Variants in WWOX observed in about 807,000 individuals in gnomAD.
WWOX encodes the protein WW domain-containing oxidoreductase.
Under a neutral mutation model 46.2 loss-of-function variants are expected in WWOX, and 69 were observed. The ratio of observed to expected loss-of-function variants is 1.49; its 90% CI spans 1.23 to 1.82. The LOEUF (loss-of-function observed/expected upper bound fraction) is 1.82, where lower values mean the gene tolerates loss of function less well. Among genes scored for constraint, WWOX ranks in the 40% most tolerant of loss-of-function variants. WWOX has a pLI of 0.00. For synonymous variants in WWOX, 359 were observed against 202.6 expected, an observed-to-expected ratio of 1.77 and a Z score of -6.56; for missense variants, 919 against 542.6, an observed-to-expected ratio of 1.69 and a Z score of -6.89.
intron 8 of WWOX, among the ~76,000 whole-genome samples, chr16:78,876,858 T>C (rs1400422312): frequency 6.6e-6 from 1 of 152,218 alleles, no homozygotes; most frequent in Non-Finnish European, 1.5e-5. Context: ...AGTGGAACGC[T>C]CTTTCTAGTT....
chr16:78,779,640 C>A (rs139239344), intron 8 of WWOX, among the ~76,000 whole-genome samples: 72 of 152,298 alleles, frequency 4.7e-4, no homozygotes, highest in African/African-American at 1.5e-3. Context: ...CTCAGGGAAT[C>A]GTAGCAGAGG....
chr16:78,496,307 C>T (rs2084917180), intron 8 of WWOX: 1 of 152,240 alleles, frequency 6.6e-6, no homozygotes, highest in African/African-American at 2.4e-5. Context: ...TTGCAGTCAT[C>T]ACTGATGTTC....
chr16:78,880,712 A>G (rs771537584), intron 8 of WWOX, among the ~76,000 whole-genome samples: 15 of 152,212 alleles, frequency 9.9e-5, no homozygotes, highest in Non-Finnish European at 1.5e-4. Context: ...GAGAGTTCAC[A>G]TAAGTGTGAG....
chr16:78,173,604 A>G (rs928933422), intron 5 of WWOX, among the ~76,000 whole-genome samples: 2 of 151,906 alleles, frequency 1.3e-5, no homozygotes, highest in African/African-American at 2.4e-5. Flanking sequence ...GGCCTTAGTC[A>G]TCTCTTTGAA....
chr16:78,740,808 G>A (rs571151801), intron 8 of WWOX, among the ~76,000 whole-genome samples: 1 of 152,268 alleles, frequency 6.6e-6, no homozygotes, highest in Non-Finnish European at 1.5e-5. Flanking sequence ...GTGTGCATGA[G>A]CGTGTCTTAG....
intron 8 of WWOX, among the ~76,000 whole-genome samples, chr16:78,492,659 G>C (rs1469346191): frequency 6.6e-6 from 1 of 152,152 alleles, no homozygotes; most frequent in Non-Finnish European, 1.5e-5. Context: ...TTCGTATATT[G>C]GCTTTGAGAA....
chr16:78,623,446 A>G (rs1597362801), intron 8 of WWOX, among the ~76,000 whole-genome samples: 1 of 152,098 alleles, frequency 6.6e-6, no homozygotes, highest in Non-Finnish European at 1.5e-5. Context: ...TTGGGAGACC[A>G]AGGCGGGCAG....
chr16:78,898,046 A>C (rs1055708344), intron 8 of WWOX: 1 of 151,984 alleles, frequency 6.6e-6, no homozygotes, highest in South Asian at 2.1e-4. Context: ...AATTCTATAT[A>C]TATTTTGGAT....
chr16:78,623,286 C>A (rs1212028529), intron 8 of WWOX, among the ~76,000 whole-genome samples: 1 of 152,172 alleles, frequency 6.6e-6, no homozygotes, highest in Non-Finnish European at 1.5e-5. Flanking sequence ...GGATAGTAGA[C>A]AGAGACTGCA....
At chr16:78,612,554 C>G (rs1010472464) in intron 8 of WWOX, among the ~76,000 whole-genome samples, 2 of 152,212 alleles carry the variant, frequency 1.3e-5, no homozygotes, top group African/African-American at 2.4e-5. Context: ...GATTTCATTG[C>G]AGCCTGGAAC....
rs1382037119 is a variant in WWOX at position 78,446,214 on chromosome 16, G to C, written c.1056+13462G>C. Among the ~76,000 whole-genome samples the C allele has an allele frequency of 2.0e-5, 3 of 152,184 alleles. 1 individual carries two copies. The highest frequency in any genetic ancestry group is 4.4e-5 in the Non-Finnish European group (3 of 68,040). ...GAAGAAATACATACATCATACTTGA[G>C]ACCATGTTCCAGAGAGTATTTTGTA... is the stretch of plus-strand genomic sequence containing the variant. On this transcript the variant is annotated intron_variant, in intron 8 of 8. Coordinates refer to ENST00000566780, the MANE Select transcript of WWOX (RefSeq NM_016373.4).
intron 5 of WWOX, among the ~76,000 whole-genome samples, chr16:78,195,086 T>C (rs2151767782): frequency 6.6e-6 from 1 of 152,276 alleles, no homozygotes; most frequent in African/African-American, 2.4e-5. Context: ...TGCTACACCC[T>C]CTGAGGTTCC....
At position 78,814,135 on chromosome 16, in the gene WWOX, C is replaced by G. The variant is rs557375633; in HGVS notation, c.1056+381383C>G. Reference sequence around the variant, plus strand: ...TGTGTCATTGCAGGAGAAGACAGAACCCGGCCAGATCCTCCCGCTGCCGGC... The same window carrying G: ...TGTGTCATTGCAGGAGAAGACAGAAGCCGGCCAGATCCTCCCGCTGCCGGC... On this transcript the variant is annotated intron_variant, in intron 8 of 8. Coordinates refer to ENST00000566780, the MANE Select transcript of WWOX (RefSeq NM_016373.4). 2.0e-5 allele frequency among the ~76,000 whole-genome samples: 3 copies of G among 152,186 alleles called. No homozygotes were observed. In the South Asian group the frequency reaches 6.2e-4, roughly 32 times the overall value.
intron 5 of WWOX, chr16:78,167,779 C>G (rs1397374893): frequency 1.3e-5 from 2 of 152,192 alleles, no homozygotes; most frequent in Non-Finnish European, 2.9e-5. Context: ...GGCCTTCTTG[C>G]TCTGGTGACA....
rs1392835208 is a variant in WWOX at position 79,170,165 on chromosome 16, G to A, written c.1057-41443G>A. On this transcript the variant is annotated intron_variant, in intron 8 of 8. Transcript: ENST00000566780. Reference sequence around the variant, plus strand: ...TCCTTCAATAACCCAGTCTAACCATGTTTTTCCAGTGGAAATGATTCCCGG... The same window carrying A: ...TCCTTCAATAACCCAGTCTAACCATATTTTTCCAGTGGAAATGATTCCCGG... Among the ~76,000 whole-genome samples, 5 of 152,174 alleles carry A rather than the reference G, an allele frequency of 3.3e-5. No individual in the cohort carries two copies. The East Asian group carries it at 5.8e-4, about 18-fold the overall frequency.
intron 8 of WWOX, among the ~76,000 whole-genome samples, chr16:79,119,752 G>A (rs2049590066): frequency 6.6e-6 from 1 of 152,200 alleles, no homozygotes. Flanking sequence ...GATGGCAGTG[G>A]CTGGCTTCTC....
At chr16:78,427,358 C>T (rs1040423081) in intron 7 of WWOX, among the ~76,000 whole-genome samples, 4 of 152,246 alleles carry the variant, frequency 2.6e-5, no homozygotes, top group African/African-American at 9.6e-5. Flanking sequence ...TTTCTGCATA[C>T]CTAAAATACA....
intron 2 of WWOX, among the ~76,000 whole-genome samples, chr16:78,109,017 C>T (rs1391892252): frequency 1.3e-5 from 2 of 152,064 alleles, no homozygotes; most frequent in Admixed American, 6.6e-5. Context: ...ACAACAAAAA[C>T]CAGAAAATAA....
intron 8 of WWOX, among the ~76,000 whole-genome samples, chr16:79,116,349 T>G (rs2049515650): frequency 6.6e-6 from 1 of 152,210 alleles, no homozygotes; most frequent in African/African-American, 2.4e-5. Flanking sequence ...ACAGCAGAAT[T>G]TATCTCAAAA....
Sources: gnomAD v4.1 joint callset for allele counts (sites outside exome capture counted in the v4.1 genomes callset) on GRCh38, gnomAD v4.1.1 for gene constraint, MANE v1.5 for transcripts, NCBI Gene and HGNC (gene_info 2026-07-23, HGNC 2026-07-21) for gene names.